Variants in DOCK8 observed in about 807,000 individuals in gnomAD.
The protein encoded by DOCK8 is dedicator of cytokinesis protein 8.
A neutral mutation model predicts 245.6 loss-of-function variants in DOCK8; 141 were observed. The observed-to-expected ratio is 0.57, with a 90% CI of 0.50 to 0.66. The LOEUF (loss-of-function observed/expected upper bound fraction) is 0.66, where lower values mean the gene tolerates loss of function less well. Ranked by LOEUF, DOCK8 falls within the 30% of genes least tolerant of loss-of-function variation. DOCK8 has a pLI of 0.00. For synonymous variants in DOCK8, 1,168 were observed against 970.2 expected (o/e 1.20, Z -3.79); for missense variants, 2,965 against 2,603.4 (o/e 1.14, Z -3.02).
chr9:395,854 A>G (rs2054428792), intron 24 of DOCK8, among the ~76,000 whole-genome samples: 1 of 152,172 alleles, frequency 6.6e-6, no homozygotes, highest in Non-Finnish European at 1.5e-5. Context: ...AATTGACACA[A>G]GGATATCTAT....
chr9:278,135 C>T (rs1187119294), intron 2 of DOCK8, among the ~76,000 whole-genome samples: 1 of 152,056 alleles, frequency 6.6e-6, no homozygotes, highest in African/African-American at 2.4e-5. Context: ...GAGTGGCAGG[C>T]ATTCTGCACA....
intron 18 of DOCK8, 103 bp downstream of exon 18, chr9:372,389 T>G (rs2053333254): frequency 2.1e-6 from 2 of 931,206 alleles, no homozygotes; most frequent in Admixed American, 3.5e-5. Flanking sequence ...ATGTTCATCA[T>G]GTTCTCAGAG....
intron 33 of DOCK8, among the ~76,000 whole-genome samples, chr9:425,534 G>A (rs1306956620): frequency 3.9e-5 from 5 of 128,162 alleles, no homozygotes; most frequent in Non-Finnish European, 6.3e-5. Context: ...GGGAGACTCC[G>A]TCTCAAAAAA....
At chr9:224,772 C>T (rs1296891585) in intron 1 of DOCK8, among the ~76,000 whole-genome samples, 1 of 152,184 alleles carries the variant, frequency 6.6e-6, no homozygotes, top group Non-Finnish European at 1.5e-5. Context: ...GGGTACTAGT[C>T]ATCATACGGC....
intron 14 of DOCK8, among the ~76,000 whole-genome samples, chr9:346,998 A>T (rs1466442001): frequency 6.6e-6 from 1 of 152,178 alleles, no homozygotes. Flanking sequence ...CTCTGTATTC[A>T]GAGTGGATCT....
rs1442708191 is a variant in DOCK8, at chr9:286,591, C to T, written c.287C>T (p.Thr96Met). Residue 96 changes from threonine to methionine, a missense_variant, in exon 3 of 48, where the codon ACG (threonine) becomes ATG (methionine). Physicochemically the swap from Thr to Met is moderately conservative, Grantham distance 81. Coordinates refer to ENST00000432829, the MANE Select transcript of DOCK8 (RefSeq NM_203447.4). ...GATGACGACTTGGACGTGGTGTTCA[C>T]GCCAAAGGAATGTAGGACTTTGCAG... ...FTDDDLDVVF[T>M]PKECRTLQPS... 1.9e-6 allele frequency: 3 copies of T among 1,613,874 alleles called. No homozygotes were observed. Among genetic ancestry groups the T allele is most frequent in the Non-Finnish European group, 2.5e-6 (3 of 1,179,912 alleles).
At chr9:214,420 T>A (rs2046682802), upstream of DOCK8, 33 of 1,367,622 alleles carry the variant, frequency 2.4e-5, no homozygotes, top group Non-Finnish European at 3.4e-5. Context: ...AAAAGTTGAT[T>A]TGAATCCTGA....
intron 1 of DOCK8, among the ~76,000 whole-genome samples, chr9:258,989 A>G (rs556783893): frequency 7.3e-6 from 1 of 137,198 alleles, no homozygotes; most frequent in Non-Finnish European, 1.6e-5. Flanking sequence ...ACCACAGCAC[A>G]AACATTTTAG....
intron 7 of DOCK8, among the ~76,000 whole-genome samples, chr9:318,051 T>C (rs1360537902): frequency 6.6e-6 from 1 of 151,784 alleles, no homozygotes; most frequent in African/African-American, 2.4e-5. Flanking sequence ...TTATAAAACA[T>C]AATAGAAATT....
chr9:367,764 T>G (rs2053078368), intron 14 of DOCK8, among the ~76,000 whole-genome samples: 1 of 152,204 alleles, frequency 6.6e-6, no homozygotes, highest in Non-Finnish European at 1.5e-5. Context: ...TTCCAAGACA[T>G]GAAGACTTTC....
intron 4 of DOCK8, among the ~76,000 whole-genome samples, chr9:304,143 G>C (rs142508579): frequency 9.9e-5 from 15 of 152,106 alleles, no homozygotes; most frequent in Non-Finnish European, 1.8e-4. Context: ...ACCATGTCCC[G>C]CCTGCTTTAT....
At chr9:265,383 C>T (rs1322612032) in intron 1 of DOCK8, among the ~76,000 whole-genome samples, 7 of 152,264 alleles carry the variant, frequency 4.6e-5, no homozygotes, top group African/African-American at 1.7e-4. Flanking sequence ...TTTAATTATA[C>T]TGTGTGTTGT....
upstream of DOCK8, chr9:213,681 C>G (rs1482408366): frequency 2.0e-5 from 3 of 151,612 alleles, no homozygotes; most frequent in African/African-American, 7.3e-5. Context: ...TGGCTAGTGG[C>G]TATCATATTA....
chr9:312,293 G>A (rs1394592184), intron 6 of DOCK8, 127 bp downstream of exon 6: 1 of 1,182,390 alleles, frequency 8.5e-7, no homozygotes, highest in Non-Finnish European at 1.2e-6. Flanking sequence ...TGATTTCTGG[G>A]GCCTCGTTTT....
At chr9:439,936 A>C (rs1018151343) in intron 40 of DOCK8, among the ~76,000 whole-genome samples, 1 of 152,182 alleles carries the variant, frequency 6.6e-6, no homozygotes, top group Non-Finnish European at 1.5e-5. Context: ...TCTGGATCTA[A>C]ACACTCCTAG....
intron 33 of DOCK8, among the ~76,000 whole-genome samples, chr9:425,468 C>CT (rs1472144334): frequency 1.4e-5 from 2 of 147,232 alleles, no homozygotes; most frequent in Non-Finnish European, 3.0e-5. Flanking sequence ...GGAAGTGGAG[C>CT]TTGCGGTGAG....
At chr9:410,861 C>T (rs2055688642) in intron 28 of DOCK8, among the ~76,000 whole-genome samples, 1 of 152,130 alleles carries the variant, frequency 6.6e-6, no homozygotes, top group African/African-American at 2.4e-5. Flanking sequence ...GACTCAATTA[C>T]TAAAATCATA....
At chr9:305,487 G>A (rs1024378335) in intron 5 of DOCK8, among the ~76,000 whole-genome samples, 26 of 152,172 alleles carry the variant, frequency 1.7e-4, no homozygotes, top group African/African-American at 3.9e-4. Context: ...GGGTTTCACC[G>A]TGTTAGTCAG....
At chr9:231,949 A>G (rs1401895775) in intron 1 of DOCK8, among the ~76,000 whole-genome samples, 2 of 152,096 alleles carry the variant, frequency 1.3e-5, no homozygotes, top group African/African-American at 4.8e-5. Flanking sequence ...ATAGGAGGTG[A>G]GAGAGGACAT....
Sources: allele counts gnomAD v4.1 joint callset (sites outside exome capture counted in the v4.1 genomes callset), GRCh38; gene constraint gnomAD v4.1.1; transcripts MANE v1.5; gene names NCBI Gene and HGNC (gene_info 2026-07-23, HGNC 2026-07-21).